The following KRT36 variants were observed in gnomAD, a reference collection of about 807,000 sequenced individuals.
KRT36 encodes the protein keratin, type I cuticular Ha6.
Under a neutral mutation model 43.0 loss-of-function variants are expected in KRT36, and 41 were observed. The observed-to-expected ratio is 0.95, with a 90% CI of 0.74 to 1.24. The LOEUF (loss-of-function observed/expected upper bound fraction) is 1.24, where lower values mean the gene tolerates loss of function less well. Among genes scored for constraint, KRT36 ranks in the 50% most tolerant of loss-of-function variants. KRT36 has a pLI of 0.00. For synonymous variants in KRT36, 277 were observed against 252.9 expected, an observed-to-expected ratio of 1.10 and a Z score of -0.90; for missense variants, 627 against 595.3, an observed-to-expected ratio of 1.05 and a Z score of -0.55.
rs781252023 is a variant in KRT36 at position 41,487,418 on chromosome 17, G to C, written c.920C>G (p.Thr307Arg). 47 of 1,613,852 alleles carry C rather than the reference G, an allele frequency of 2.9e-5. No homozygotes were observed. Among genetic ancestry groups the C allele is most frequent in the Non-Finnish European group, 3.7e-5 (44 of 1,179,908 alleles). The change falls in exon 5 of 7, where the codon ACG becomes AGG. Residue 307 changes from threonine to arginine, a missense_variant. Transcript: ENST00000328119. ...SSSEQLQCCQTEIIELRRTVN... is the reference protein window; with the variant it reads ...SSSEQLQCCQREIIELRRTVN... ...CGTACGTCTCAGCTCGATGATCTCC[G>C]TCTGGCAGCACTGCAGCTGCTCCGA...
In KRT36 at chr17:41,486,325, G is replaced by C. The variant is rs757498359; in HGVS notation, c.*51C>G. On this transcript the variant is annotated 3_prime_UTR_variant, in exon 7 of 7. Coordinates refer to ENST00000328119, the MANE Select transcript of KRT36 (RefSeq NM_003771.5). ...CGTTAAGCCTCCAGGAGCCACAGGG[G>C]TGTCCTCCTTCCTGTGGTCAGGGCC... The C allele has an allele frequency of 1.3e-6, 2 of 1,519,252 alleles. No homozygotes were observed. Among genetic ancestry groups the C allele is most frequent in the Non-Finnish European group, 1.8e-6 (2 of 1,100,724 alleles). 94.1% of individuals were successfully genotyped at this position (1,519,252 alleles called of 1,614,324 possible).
chr17:41,489,290 G>T lies in KRT36; in HGVS notation c.459+116C>A, dbSNP rs969578055. The stretch of plus-strand genomic sequence containing the variant: ...ACCAAAGCCCTAGAGAGAAAAGTTT[G>T]CCCTACCAGGAGAATTCCCTAAAAG... On this transcript the variant is annotated intron_variant, in intron 1 of 6. Transcript: ENST00000328119. 6 of 1,127,438 alleles carry T rather than the reference G, an allele frequency of 5.3e-6. No homozygotes were observed. In the African/African-American group the frequency reaches 7.8e-5, roughly 15 times the overall value. The allele number at this position is 1,127,438 out of a possible 1,614,324, so 69.8% of individuals were successfully genotyped here.
At position 41,487,682 on chromosome 17, in the gene KRT36, G is replaced by T. The variant is rs75790652; in HGVS notation, c.755C>A (p.Ala252Asp). The change falls in exon 4 of 7, where the codon GCT (alanine) becomes GAT (aspartate). Residue 252 changes from alanine (A) to aspartate (D), a missense_variant. Coordinates refer to ENST00000328119, the MANE Select transcript of KRT36 (RefSeq NM_003771.5). Reference protein sequence around the residue: ...LGDRLNVEVDAAPPVDLNKIL... With the variant: ...LGDRLNVEVDDAPPVDLNKIL... Reference sequence around the variant, plus strand: ...CTTGTTGAGATCCACTGGGGGAGCAGCGTCCACCTCCACATTCAGTCGGTC... The same window carrying T: ...CTTGTTGAGATCCACTGGGGGAGCATCGTCCACCTCCACATTCAGTCGGTC... The T allele has an allele frequency of 3.1e-6, 5 of 1,614,026 alleles. No homozygotes were observed. The highest frequency in any genetic ancestry group is 4.2e-6 in the Non-Finnish European group (5 of 1,180,000).
intron 2 of KRT36, 55 bp from the exon 3 acceptor site, chr17:41,488,454 G>C: frequency 6.3e-7 from 1 of 1,595,240 alleles, no homozygotes; most frequent in Non-Finnish European, 8.6e-7. Context: ...ACACCAGCAG[G>C]GACCCCTGCC....
intron 1 of KRT36, 29 bp from the exon 2 acceptor site, chr17:41,488,753 A>G (rs1597755232): frequency 6.3e-7 from 1 of 1,597,952 alleles, no homozygotes; most frequent in East Asian, 2.2e-5. Context: ...CCCATAAGCT[A>G]CAGGAGGCCC....
Position 41,487,384 on chromosome 17 carries a change from C to A in KRT36, c.954G>T (p.Ala318=). Residue 318 remains alanine (A), a synonymous_variant, in exon 5 of 7, where the codon GCG becomes GCT. Transcript: ENST00000328119. ...GCTGAGCCTGCAGCTCAATCTCTAGCGCGTTGACCGTACGTCTCAGCTCGA... is the reference window on the plus strand; with the variant it reads ...GCTGAGCCTGCAGCTCAATCTCTAGAGCGTTGACCGTACGTCTCAGCTCGA... ...EIIELRRTVN[A]LEIELQAQHS... is the part of the protein sequence containing the mutation. 6.2e-7 allele frequency: 1 copy of A among 1,612,794 alleles called. No homozygotes were observed. The highest frequency in any genetic ancestry group is 8.5e-7 in the Non-Finnish European group (1 of 1,179,820).
rs778532074 is a variant in KRT36, at chr17:41,487,595, T to C, written c.842A>G (p.Glu281Gly). Residue 281 changes from glutamate to glycine, a missense_variant, in exon 4 of 7, where the codon GAG becomes GGG. Physicochemically the swap from Glu to Gly is moderately conservative, Grantham distance 98. Transcript: ENST00000328119. Reference sequence around the variant, plus strand: ...CCCCACCTGGGTGTTGAACCAGGCCTCCACATCTCTGCGGTTATTCTCCAC... The same window carrying C: ...CCCCACCTGGGTGTTGAACCAGGCCCCCACATCTCTGCGGTTATTCTCCAC... ...ALVENNRRDV[E>G]AWFNTQTEEL... 1 of 1,614,130 alleles carries C rather than the reference T, an allele frequency of 6.2e-7. No individual in the cohort carries two copies. Among genetic ancestry groups the C allele is most frequent in the East Asian group, 2.2e-5 (1 of 44,868 alleles).
chr17:41,486,799 G>A, intron 6 of KRT36, 151 bp downstream of exon 6: 1 of 763,646 alleles, frequency 1.3e-6, no homozygotes, highest in Non-Finnish European at 2.1e-6. Context: ...TTCTCCCGCT[G>A]TGCATTACCA....
Position 41,489,597 on chromosome 17 carries a change from T to C in KRT36, c.268A>G (p.Asn90Asp), listed in dbSNP as rs1444487708. The C allele has an allele frequency of 1.2e-6, 2 of 1,614,106 alleles. No individual in the cohort carries two copies. ...SGGWFCEGSF[N>D]GSEKETMQFL... ...TGCATAGTCTCCTTCTCGCTGCCGT[T>C]GAAGGAGCCCTCGCAGAACCAGCCC... Residue 90 changes from asparagine (N) to aspartate (D), a missense_variant, in exon 1 of 7, where the codon AAC becomes GAC. By Grantham distance (23) the Asn-to-Asp change is conservative. Coordinates refer to ENST00000328119, the MANE Select transcript of KRT36 (RefSeq NM_003771.5).
Position 41,487,385 on chromosome 17 carries a change from G to T in KRT36, c.953C>A (p.Ala318Glu). ...EIIELRRTVN[A>E]LEIELQAQHS... ...CTGAGCCTGCAGCTCAATCTCTAGC[G>T]CGTTGACCGTACGTCTCAGCTCGAT... The change falls in exon 5 of 7, where the codon GCG (alanine) becomes GAG (glutamate). Residue 318 changes from alanine to glutamate, a missense_variant. Coordinates refer to ENST00000328119, the MANE Select transcript of KRT36 (RefSeq NM_003771.5). The T allele has an allele frequency of 1.9e-6, 3 of 1,613,068 alleles. No individual in the cohort carries two copies. Among genetic ancestry groups the T allele is most frequent in the Admixed American group, 1.7e-5 (1 of 59,926 alleles).
Position 41,486,514 on chromosome 17 carries a change from G to T in KRT36, c.1266C>A (p.Val422=). Residue 422 remains valine (V), a synonymous_variant, in exon 7 of 7, where the codon GTC becomes GTA. Transcript: ENST00000328119. ...ACKPVIRVPS[V]PPVPCVPSVP... ...CAGAGGGGACACAGGGCACCGGGGG[G>T]ACAGAAGGAACTCTAATAACAGGCT... 3 of 1,608,668 alleles carry T rather than the reference G, an allele frequency of 1.9e-6. No individual in the cohort carries two copies. The highest frequency in any genetic ancestry group is 2.5e-6 in the Non-Finnish European group (3 of 1,177,940).
rs374001185 is a variant in KRT36 at position 41,487,580 on chromosome 17, G to A, written c.857C>T (p.Thr286Ile). The A allele has an allele frequency of 4.3e-6, 7 of 1,613,952 alleles. No individual in the cohort carries two copies. Among genetic ancestry groups the A allele is most frequent in the Non-Finnish European group, 5.9e-6 (7 of 1,179,946 alleles). The change falls in exon 4 of 7, where the codon ACC becomes ATC. Residue 286 changes from threonine to isoleucine, a missense_variant. Physicochemically the swap from Thr to Ile is moderately conservative, Grantham distance 89 (BLOSUM62 -1). Coordinates refer to ENST00000328119, the MANE Select transcript of KRT36 (RefSeq NM_003771.5). ...NRRDVEAWFN[T>I]QTEELNQQVV... The stretch of plus-strand genomic sequence containing the variant: ...CCCAGGGCACCCCAGCCCCACCTGG[G>A]TGTTGAACCAGGCCTCCACATCTCT...
chr17:41,489,739 G>C lies in KRT36; in HGVS notation c.126C>G (p.Leu42=). The change falls in exon 1 of 7, where the codon CTC becomes CTG. Residue 42 remains leucine (L), a synonymous_variant. Coordinates refer to ENST00000328119, the MANE Select transcript of KRT36 (RefSeq NM_003771.5). The stretch of plus-strand genomic sequence containing the variant: ...AAGAGATGTACCCTGCAGCACCGGC[G>C]AGACTGGGGACCCTGCAGGAGCCCA... ...RSVGSCRVPS[L]AGAAGYISSA... is the part of the protein sequence containing the mutation. 1 of 1,614,074 alleles carries C rather than the reference G, an allele frequency of 6.2e-7. No individual in the cohort carries two copies. The highest frequency in any genetic ancestry group is 8.5e-7 in the Non-Finnish European group (1 of 1,179,998).
Position 41,487,113 on chromosome 17 carries a change from C to G in KRT36, c.1045G>C (p.Ala349Pro). The G allele has an allele frequency of 6.2e-7, 1 of 1,614,218 alleles. No homozygotes were observed. Among genetic ancestry groups the G allele is most frequent in the Non-Finnish European group, 8.5e-7 (1 of 1,180,016 alleles). Residue 349 changes from alanine to proline, a missense_variant, in exon 6 of 7, where the codon GCC becomes CCC. Physicochemically the swap from Ala to Pro is conservative, Grantham distance 27. Coordinates refer to ENST00000328119, the MANE Select transcript of KRT36 (RefSeq NM_003771.5). ...ETEARYSSQL[A>P]QMQCLISNVE... ...TTGCTGATCAGGCACTGCATCTGGG[C>G]CAGCTGGGAGCTGTAGCGGGCCTCG...
At chr17:41,489,359 C>T in intron 1 of KRT36, 47 bp downstream of exon 1, 1 of 1,581,908 alleles carries the variant, frequency 6.3e-7, no homozygotes, top group Non-Finnish European at 8.6e-7. Context: ...ACAGACGCCT[C>T]CTAAGAGTTG....
chr17:41,487,827 G>T, intron 3 of KRT36, 90 bp from the exon 4 acceptor site: 1 of 1,295,388 alleles, frequency 7.7e-7, no homozygotes, highest in Non-Finnish European at 1.1e-6. Context: ...TCTTCCCTCA[G>T]TCACCAGCTG....
In KRT36 at chr17:41,487,156, T is replaced by C; in HGVS notation, c.1002A>G (p.Glu334=). 6.2e-7 allele frequency: 1 copy of C among 1,612,790 alleles called. No homozygotes were observed. The highest frequency in any genetic ancestry group is 8.5e-7 in the Non-Finnish European group (1 of 1,179,082). The change falls in exon 6 of 7, where the codon GAA becomes GAG. Residue 334 remains glutamate (E), a synonymous_variant. Coordinates refer to ENST00000328119, the MANE Select transcript of KRT36 (RefSeq NM_003771.5). ...GGGCCTCGGTTTCGGCCAGGGTGGA[T>C]TCCAAGGAATTCCGCTGCAATGGGA... ...QAQHSMRNSL[E]STLAETEARY... is the part of the protein sequence containing the mutation.
intron 5 of KRT36, 83 bp from the exon 6 acceptor site, chr17:41,487,253 G>C (rs1456414311): frequency 1.9e-6 from 3 of 1,576,690 alleles, no homozygotes; most frequent in South Asian, 1.2e-5. Flanking sequence ...ATCTGCCTAC[G>C]GCCTGTGATC....
rs199855472 is a variant in KRT36 at position 41,487,432 on chromosome 17, C to T, written c.906G>A (p.Leu302=). ...NQQVVSSSEQ[L]QCCQTEIIEL... The stretch of plus-strand genomic sequence containing the variant: ...CGATGATCTCCGTCTGGCAGCACTG[C>T]AGCTGCTCCGAGCTGGACACCACCT... Residue 302 remains leucine (L), a synonymous_variant, in exon 5 of 7, where the codon CTG becomes CTA. Coordinates refer to ENST00000328119, the MANE Select transcript of KRT36 (RefSeq NM_003771.5). 5 of 1,614,188 alleles carry T rather than the reference C, an allele frequency of 3.1e-6. No individual in the cohort carries two copies. In the African/African-American group the frequency reaches 6.7e-5, roughly 22 times the overall value.
Sources: allele counts gnomAD v4.1 joint callset, GRCh38; gene constraint gnomAD v4.1.1; transcripts MANE v1.5; gene names NCBI Gene and HGNC (gene_info 2026-07-23, HGNC 2026-07-21).